ANKRD6: variants seen among roughly 807,000 people sequenced by gnomAD.
The protein encoded by ANKRD6 is ankyrin repeat domain 6, also known as ankyrin repeat domain-containing protein 6.
ANKRD6 carries 56 observed loss-of-function variants against 82.3 expected under a neutral mutation model. The observed-to-expected ratio is 0.68, with a 90% CI of 0.55 to 0.85. The LOEUF (loss-of-function observed/expected upper bound fraction) is 0.85, where lower values mean the gene tolerates loss of function less well. Among genes scored for constraint, ANKRD6 ranks in the 40% least tolerant of loss-of-function variants. ANKRD6 has a pLI of 0.00. For synonymous variants in ANKRD6, 347 were observed against 352.1 expected, an observed-to-expected ratio of 0.99 and a Z score of 0.16; for missense variants, 852 against 907.6, an observed-to-expected ratio of 0.94 and a Z score of 0.79.
intron 2 of ANKRD6, among the ~76,000 whole-genome samples, chr6:89,584,644 T>C (rs185918631): frequency 5.9e-5 from 9 of 152,354 alleles, no homozygotes; most frequent in Admixed American, 5.9e-4. Flanking sequence ...TATTGAGCAA[T>C]GTGTAAGAAT....
chr6:89,605,755 A>G (rs1450980028), intron 4 of ANKRD6, among the ~76,000 whole-genome samples: 1 of 152,136 alleles, frequency 6.6e-6, no homozygotes, highest in Non-Finnish European at 1.5e-5. Context: ...TGCCTTATGA[A>G]CAATCATCCA....
intron 11 of ANKRD6, 32 bp from the exon 12 acceptor site, chr6:89,623,840 G>T (rs377342229): frequency 2.4e-5 from 39 of 1,595,676 alleles, no homozygotes; most frequent in Non-Finnish European, 3.2e-5. Context: ...AGGTCAAAGC[G>T]TTCAGGGGTG....
intron 1 of ANKRD6, among the ~76,000 whole-genome samples, chr6:89,496,592 G>C (rs1180666910): frequency 6.6e-6 from 1 of 152,104 alleles, no homozygotes; most frequent in Admixed American, 6.5e-5. Context: ...GTGCGATCTC[G>C]GGTCACTGCA....
chr6:89,600,410 G>T (rs907889136), intron 3 of ANKRD6, among the ~76,000 whole-genome samples: 1 of 152,162 alleles, frequency 6.6e-6, no homozygotes, highest in East Asian at 1.9e-4. Flanking sequence ...TGGCTAACAC[G>T]ACCCATATGC....
At chr6:89,528,222 T>C (rs1267917686) in intron 1 of ANKRD6, among the ~76,000 whole-genome samples, 1 of 152,274 alleles carries the variant, frequency 6.6e-6, no homozygotes, top group Non-Finnish European at 1.5e-5. Flanking sequence ...TTACTCACAG[T>C]AGAACTTCTT....
intron 1 of ANKRD6, among the ~76,000 whole-genome samples, chr6:89,466,534 A>G (rs1774869784): frequency 6.6e-6 from 1 of 152,114 alleles, no homozygotes; most frequent in Admixed American, 6.5e-5. Flanking sequence ...TTATCATTTT[A>G]TTCTTCTTTG....
At chr6:89,567,265 C>A (rs1420728928) in intron 2 of ANKRD6, among the ~76,000 whole-genome samples, 169 bp downstream of exon 2, 2 of 152,218 alleles carry the variant, frequency 1.3e-5, no homozygotes, top group Admixed American at 1.3e-4. Context: ...TTGTTGCCAT[C>A]TTTCAAGTGG....
chr6:89,477,085 C>T (rs531720080), intron 1 of ANKRD6, among the ~76,000 whole-genome samples: 4 of 152,268 alleles, frequency 2.6e-5, no homozygotes, highest in Non-Finnish European at 5.9e-5. Context: ...GCTGGGACTA[C>T]AGGCACCCCC....
At chr6:89,499,996 C>T (rs538235409) in intron 1 of ANKRD6, among the ~76,000 whole-genome samples, 7 of 152,156 alleles carry the variant, frequency 4.6e-5, no homozygotes, top group South Asian at 2.1e-4. Context: ...GAAAAGCCTC[C>T]GAGGCATCTG....
chr6:89,555,314 C>T (rs1044644674), intron 1 of ANKRD6, among the ~76,000 whole-genome samples: 3 of 151,972 alleles, frequency 2.0e-5, no homozygotes, highest in Admixed American at 6.6e-5. Context: ...GTACTGACAT[C>T]ACACAATTGC....
chr6:89,552,435 C>G (rs896413623), intron 1 of ANKRD6, among the ~76,000 whole-genome samples: 1 of 152,194 alleles, frequency 6.6e-6, no homozygotes, highest in East Asian at 1.9e-4. Flanking sequence ...TTGATCCCAG[C>G]AAAGCTCAGT....
intron 3 of ANKRD6, chr6:89,601,663 T>C (rs1030458058): frequency 2.0e-5 from 3 of 152,232 alleles, no homozygotes; most frequent in East Asian, 3.8e-4. Flanking sequence ...ATTTACTGTC[T>C]GAACATATTT....
intron 1 of ANKRD6, among the ~76,000 whole-genome samples, chr6:89,466,153 C>T (rs1271307778): frequency 1.3e-5 from 2 of 152,116 alleles, no homozygotes; most frequent in Non-Finnish European, 2.9e-5. Context: ...TTTTCCCATT[C>T]TACTCAATTT....
At chr6:89,584,321 G>T (rs1190246254) in intron 2 of ANKRD6, among the ~76,000 whole-genome samples, 2 of 152,246 alleles carry the variant, frequency 1.3e-5, no homozygotes, top group Non-Finnish European at 2.9e-5. Flanking sequence ...CGAAGCCACT[G>T]AGCTGCCCAC....
At chr6:89,484,848 A>C (rs1008450014) in intron 1 of ANKRD6, among the ~76,000 whole-genome samples, 8 of 152,240 alleles carry the variant, frequency 5.3e-5, no homozygotes, top group Admixed American at 5.2e-4. Context: ...GAACTTAATT[A>C]GTGGAGTTTG....
intron 5 of ANKRD6, among the ~76,000 whole-genome samples, chr6:89,611,716 G>GA (rs1800299024): frequency 6.6e-6 from 1 of 152,246 alleles, no homozygotes; most frequent in Admixed American, 6.5e-5. Context: ...GATGTTTCAA[G>GA]AAAAATACAA....
At chr6:89,579,927 A>C (rs983883288) in intron 2 of ANKRD6, among the ~76,000 whole-genome samples, 8 of 152,168 alleles carry the variant, frequency 5.3e-5, no homozygotes, top group African/African-American at 1.9e-4. Flanking sequence ...ACAAAGTTGA[A>C]GGACTTCTGC....
At chr6:89,525,166 C>A (rs1249246279) in intron 1 of ANKRD6, among the ~76,000 whole-genome samples, 2 of 151,906 alleles carry the variant, frequency 1.3e-5, no homozygotes, top group African/African-American at 2.4e-5. Context: ...TGGTGGCACA[C>A]ACCTCTAGTC....
intron 6 of ANKRD6, 34 bp downstream of exon 6, chr6:89,612,404 C>T (rs771200624): frequency 6.6e-6 from 10 of 1,517,800 alleles, no homozygotes; most frequent in South Asian, 2.4e-5. Flanking sequence ...CACGTTCTCT[C>T]TTTCTTGTGT....
Sources: allele counts gnomAD v4.1 joint callset (sites outside exome capture counted in the v4.1 genomes callset), GRCh38; gene constraint gnomAD v4.1.1; transcripts MANE v1.5; gene names NCBI Gene and HGNC (gene_info 2026-07-23, HGNC 2026-07-21).